Variants in CLASP1 observed in about 807,000 individuals in gnomAD.
The protein encoded by CLASP1 is CLIP-associating protein 1.
In CLASP1, 38 loss-of-function variants were observed where a neutral mutation model predicts 192.3. That is an observed-to-expected ratio of 0.20 (90% confidence interval 0.15 to 0.26). The LOEUF is 0.26. Ranked by LOEUF, CLASP1 falls within the 10% of genes least tolerant of loss-of-function variation. The pLI is 1.00. For missense variants in CLASP1, 1,433 were observed against 1,932.5 expected, an observed-to-expected ratio of 0.74 and a Z score of 4.85; for synonymous variants, 691 against 712.8, an observed-to-expected ratio of 0.97 and a Z score of 0.49.
chr2:121,556,217 C>A (rs970024429), intron 2 of CLASP1, among the ~76,000 whole-genome samples: 3 of 151,812 alleles, frequency 2.0e-5, no homozygotes, highest in Non-Finnish European at 4.4e-5. Context: ...CATTCCTGGC[C>A]TCAAGTGATC....
In CLASP1 at chr2:121,606,197, G is replaced by A. The variant is rs1383655752; in HGVS notation, c.-285-17C>T. Reference sequence around the variant, plus strand: ...CAGTCCATTCTGAAAAGTAAGAGAAGAGAACGACAAATTAGCACAGATAAC... The same window carrying A: ...CAGTCCATTCTGAAAAGTAAGAGAAAAGAACGACAAATTAGCACAGATAAC... On this transcript the variant is annotated splice_polypyrimidine_tract_variant and intron_variant, in intron 1 of 39. Coordinates refer to ENST00000263710, the Ensembl canonical transcript of CLASP1. 1 of 452,794 alleles carries A rather than the reference G, an allele frequency of 2.2e-6. No homozygotes were observed. Among genetic ancestry groups the A allele is most frequent in the East Asian group, 3.2e-5 (1 of 30,852 alleles). 28.0% of individuals were successfully genotyped at this position (452,794 alleles called of 1,614,324 possible). A position where few individuals can be genotyped will look rare whatever the true frequency, so the allele number is the denominator to read the frequency against.
At chr2:121,453,242 CTATGAT>C (rs1206342409) in intron 14 of CLASP1, among the ~76,000 whole-genome samples, 1 of 152,212 alleles carries the variant, frequency 6.6e-6, no homozygotes, top group East Asian at 1.9e-4. Flanking sequence ...CTGCAATGAA[CTATGAT>C]TGCACCACTG....
At chr2:121,561,025 G>C (rs754626978) in intron 2 of CLASP1, among the ~76,000 whole-genome samples, 14 of 152,200 alleles carry the variant, frequency 9.2e-5, no homozygotes, top group Admixed American at 4.6e-4. Context: ...TCCTGCCTCA[G>C]CCTCCCGAGT....
chr2:121,521,332 A>G (rs1038083339), intron 6 of CLASP1, among the ~76,000 whole-genome samples: 14 of 152,062 alleles, frequency 9.2e-5, no homozygotes, highest in African/African-American at 3.1e-4. Flanking sequence ...GTATGTTTGA[A>G]CCTTTCGATA....
intron 9 of CLASP1, among the ~76,000 whole-genome samples, chr2:121,465,594 C>A (rs1302493512): frequency 6.6e-6 from 1 of 152,228 alleles, no homozygotes; most frequent in Admixed American, 6.5e-5. Context: ...GGCCATACTG[C>A]CCAAGGTAAT....
chr2:121,389,815 A>T (rs2074028263), intron 30 of CLASP1, among the ~76,000 whole-genome samples: 2 of 152,224 alleles, frequency 1.3e-5, no homozygotes, highest in South Asian at 4.1e-4. Flanking sequence ...AATCTTTTAA[A>T]AATAAGATCC....
chr2:121,351,546 T>C (rs1447611452), intron 37 of CLASP1, among the ~76,000 whole-genome samples: 1 of 152,192 alleles, frequency 6.6e-6, no homozygotes, highest in African/African-American at 2.4e-5. Flanking sequence ...CTCAAGTCTT[T>C]CTTGTTGGAG....
At chr2:121,490,530 G>A (rs1223146361) in intron 8 of CLASP1, among the ~76,000 whole-genome samples, 4 of 152,208 alleles carry the variant, frequency 2.6e-5, no homozygotes, top group Non-Finnish European at 5.9e-5. Flanking sequence ...ACTCATTTAA[G>A]AGAGTCTTCT....
At chr2:121,613,692 A>G (rs2065988922) in intron 1 of CLASP1, among the ~76,000 whole-genome samples, 1 of 152,044 alleles carries the variant, frequency 6.6e-6, no homozygotes, top group Non-Finnish European at 1.5e-5. Flanking sequence ...TGGCACTTAC[A>G]CACACTATCA....
chr2:121,631,581 C>T lies in CLASP1; in HGVS notation c.-286+17791G>A, dbSNP rs187378389. Among the ~76,000 whole-genome samples, 57 of 152,096 alleles carry T rather than the reference C, an allele frequency of 3.7e-4. No homozygotes were observed. In the East Asian group the frequency reaches 5.7e-3, roughly 15 times the overall value. On this transcript the variant is annotated intron_variant, in intron 1 of 39. Transcript: ENST00000263710. ...GATTACAGGCGTAAGCCACCAAGCC[C>T]GGCCTGAAATTACATTTTTTAAACA...
At chr2:121,493,619 G>A (rs1006727780) in intron 8 of CLASP1, among the ~76,000 whole-genome samples, 3 of 151,886 alleles carry the variant, frequency 2.0e-5, no homozygotes, top group Non-Finnish European at 4.4e-5. Flanking sequence ...CCACAAGTAT[G>A]GGCAACCAAA....
At position 121,631,214 on chromosome 2, in the gene CLASP1, T is replaced by A. The variant is rs2069576717; in HGVS notation, c.-286+18158A>T. Among the ~76,000 whole-genome samples, 3 of 150,406 alleles carry A rather than the reference T, an allele frequency of 2.0e-5. No individual in the cohort carries two copies. In the South Asian group the frequency reaches 6.3e-4, roughly 32 times the overall value. ...AGAAGAAAAGTGCTCAATTTGCTTT[T>A]GATCACTGAACTATAGTCATATTTT... is the stretch of plus-strand genomic sequence containing the variant. On this transcript the variant is annotated intron_variant, in intron 1 of 39. Transcript: ENST00000263710.
intron 22 of CLASP1, among the ~76,000 whole-genome samples, chr2:121,418,998 A>T (rs747502987): frequency 6.6e-6 from 1 of 152,212 alleles, no homozygotes; most frequent in Non-Finnish European, 1.5e-5. Context: ...GTAAGAAGTG[A>T]AAAGAAATCT....
At chr2:121,365,116 A>G (rs2067139465) in exon 36 of CLASP1, 1 of 1,613,890 alleles carries the variant, frequency 6.2e-7, no homozygotes, top group African/African-American at 1.3e-5. Context: ...AAGGGTCTCC[A>G]GCAGCAGGAG....
intron 37 of CLASP1, among the ~76,000 whole-genome samples, chr2:121,362,580 C>T (rs1558875489): frequency 6.6e-6 from 1 of 152,236 alleles, no homozygotes. Flanking sequence ...GAGAAGCACA[C>T]TGAACGGCTG....
At chr2:121,523,896 A>C (rs10176049) in intron 6 of CLASP1, among the ~76,000 whole-genome samples, 30,839 of 152,136 alleles carry the variant, frequency 0.2, 5,835 homozygotes, top group African/African-American at 0.5. Context: ...GTGGAAGAAA[A>C]AGAGGAAGAA....
At chr2:121,463,907 C>T (rs900630678) in intron 9 of CLASP1, among the ~76,000 whole-genome samples, 1 of 151,866 alleles carries the variant, frequency 6.6e-6, no homozygotes, top group African/African-American at 2.4e-5. Flanking sequence ...CGGTTAGTTA[C>T]ATATGTATAC....
At chr2:121,534,716 C>T (rs1472322326) in intron 2 of CLASP1, among the ~76,000 whole-genome samples, 1 of 151,946 alleles carries the variant, frequency 6.6e-6, no homozygotes, top group Non-Finnish European at 1.5e-5. Flanking sequence ...TTAGTAGAGA[C>T]GGGGTTTTAT....
At chr2:121,630,592 G>A (rs1231939083) in intron 1 of CLASP1, among the ~76,000 whole-genome samples, 6 of 151,424 alleles carry the variant, frequency 4.0e-5, no homozygotes, top group African/African-American at 7.3e-5. Flanking sequence ...GGCCGGGCAT[G>A]GTGGCTCACG....
Sources: gnomAD v4.1 joint callset for allele counts (sites outside exome capture counted in the v4.1 genomes callset) on GRCh38, gnomAD v4.1.1 for gene constraint, MANE v1.5 for transcripts, NCBI Gene and HGNC (gene_info 2026-07-23, HGNC 2026-07-21) for gene names.